Variants in PRMT3 observed in about 807,000 individuals in gnomAD.
PRMT3 encodes protein arginine methyltransferase 3.
PRMT3 carries 62 observed loss-of-function variants against 71.9 expected under a neutral mutation model. The ratio of observed to expected loss-of-function variants is 0.86; its 90% CI spans 0.70 to 1.07. PRMT3 has a LOEUF of 1.07. Ranked by LOEUF, PRMT3 falls within the 50% of genes least tolerant of loss-of-function variation. The pLI is 0.00. For synonymous variants in PRMT3, 213 were observed against 220.4 expected (o/e 0.97, Z 0.30); for missense variants, 663 against 643.0 (o/e 1.03, Z -0.34).
chr11:20,507,605 C>T (rs531014803), intron 15 of PRMT3, among the ~76,000 whole-genome samples: 19 of 151,888 alleles, frequency 1.3e-4, no homozygotes, highest in African/African-American at 4.3e-4. Context: ...AATGGCAAAA[C>T]CTTGTCTCTA....
chr11:20,461,244 C>A (rs1259017709), intron 11 of PRMT3, among the ~76,000 whole-genome samples: 1 of 152,200 alleles, frequency 6.6e-6, no homozygotes, highest in Non-Finnish European at 1.5e-5. Flanking sequence ...TCCCTCCCCA[C>A]TCCCAACTTA....
intron 10 of PRMT3, among the ~76,000 whole-genome samples, chr11:20,439,140 G>C (rs547581355): frequency 6.6e-6 from 1 of 152,332 alleles, no homozygotes; most frequent in African/African-American, 2.4e-5. Context: ...CTGGGGGCAG[G>C]ACAGAGTGTC....
chr11:20,477,243 T>G (rs1850812753), intron 13 of PRMT3, among the ~76,000 whole-genome samples: 1 of 152,194 alleles, frequency 6.6e-6, no homozygotes, highest in African/African-American at 2.4e-5. Context: ...GGATTTGGCA[T>G]GAGTTGAGAA....
chr11:20,396,638 G>A (rs1171124872), intron 6 of PRMT3, among the ~76,000 whole-genome samples: 1 of 151,068 alleles, frequency 6.6e-6, no homozygotes, highest in East Asian at 1.9e-4. Flanking sequence ...ACTTTGTCGG[G>A]GTGGGGTCGG....
At chr11:20,435,385 A>C (rs1166929687) in intron 10 of PRMT3, among the ~76,000 whole-genome samples, 1 of 152,076 alleles carries the variant, frequency 6.6e-6, no homozygotes, top group Non-Finnish European at 1.5e-5. Flanking sequence ...TGTTTTCAGT[A>C]GAGATGGGGT....
chr11:20,477,958 C>T (rs1850836587), intron 13 of PRMT3, among the ~76,000 whole-genome samples: 1 of 152,136 alleles, frequency 6.6e-6, no homozygotes, highest in Non-Finnish European at 1.5e-5. Context: ...GTGCACTGGG[C>T]CTGGCTAGTG....
rs185411543 is a variant in PRMT3 at position 20,392,552 on chromosome 11, G to A, written c.297+292G>A. ...CTGATGGACAGGATCTGTAAAATCA[G>A]AAATAATTTCTAATGTGATTTTAAG... On this transcript the variant is annotated intron_variant, in intron 4 of 15. Transcript: ENST00000331079. Among the ~76,000 whole-genome samples, 441 of 151,564 alleles carry A rather than the reference G, an allele frequency of 2.9e-3. 1 individual carries two copies. The highest frequency in any genetic ancestry group is 5.3e-3 in the Admixed American group (81 of 15,246).
At chr11:20,410,536 A>G (rs973672122) in intron 9 of PRMT3, among the ~76,000 whole-genome samples, 3 of 152,106 alleles carry the variant, frequency 2.0e-5, no homozygotes, top group Admixed American at 6.5e-5. Flanking sequence ...TAATACCAGT[A>G]TTAAAAACCT....
chr11:20,405,153 A>T (rs887649782), intron 8 of PRMT3, among the ~76,000 whole-genome samples: 2 of 151,902 alleles, frequency 1.3e-5, no homozygotes, highest in African/African-American at 4.8e-5. Flanking sequence ...CAATTCACAA[A>T]GCTCCTGTGG....
At chr11:20,489,795 A>C (rs1450259598) in intron 13 of PRMT3, among the ~76,000 whole-genome samples, 3 of 150,782 alleles carry the variant, frequency 2.0e-5, no homozygotes, top group African/African-American at 7.3e-5. Context: ...ATCTCTTTTA[A>C]TTAAGAGTTA....
At position 20,392,902 on chromosome 11, in the gene PRMT3, T is replaced by C; in HGVS notation, c.303T>C (p.Pro101=). ...KLINFIRLKN[P]TVEYMNSIYN... is the part of the protein sequence containing the mutation. ...GAGATTAATTTTATATCCAGAATCC[T>C]ACAGTTGAGTACATGAATTCCATAT... Residue 101 remains proline (P), a synonymous_variant, in exon 5 of 16, where the codon CCT becomes CCC. Transcript: ENST00000331079. 1 of 1,574,060 alleles carries C rather than the reference T, an allele frequency of 6.4e-7. No individual in the cohort carries two copies. The highest frequency in any genetic ancestry group is 1.1e-5 in the South Asian group (1 of 89,048).
intron 9 of PRMT3, among the ~76,000 whole-genome samples, chr11:20,409,112 A>T (rs1306537912): frequency 2.0e-5 from 3 of 152,192 alleles, no homozygotes; most frequent in Non-Finnish European, 4.4e-5. Flanking sequence ...AAAATTTTTT[A>T]AATTTGATTA....
intron 15 of PRMT3, among the ~76,000 whole-genome samples, chr11:20,495,662 A>G (rs1248987454): frequency 6.6e-6 from 1 of 152,216 alleles, no homozygotes; most frequent in African/African-American, 2.4e-5. Context: ...GTTCACTTAC[A>G]TTAGCACCTA....
At chr11:20,414,547 T>A (rs1209305598) in intron 9 of PRMT3, among the ~76,000 whole-genome samples, 1 of 152,184 alleles carries the variant, frequency 6.6e-6, no homozygotes, top group South Asian at 2.1e-4. Flanking sequence ...GCCAGACAGT[T>A]GTATACTGTG....
In PRMT3 at chr11:20,390,149, CAAA is replaced by C. The variant is rs10634828; in HGVS notation, c.247+335_247+337del. ...CTGGGCAACAGAGTGAGACTCTTCT[CAAA>C]AAAAAAAAAAATCTGTGAAATATAA... On this transcript the variant is annotated intron_variant, in intron 3 of 15. Transcript: ENST00000331079. 2.1e-5 allele frequency among the ~76,000 whole-genome samples: 3 copies of C among 145,788 alleles called. No homozygotes were observed. The South Asian group carries it at 6.5e-4, about 32-fold the overall frequency.
At chr11:20,389,644 C>A in intron 2 of PRMT3, 100 bp from the exon 3 acceptor site, 1 of 655,424 alleles carries the variant, frequency 1.5e-6, no homozygotes. Context: ...AACTAGAAAC[C>A]AGCAGAGTTA....
At chr11:20,389,988 C>T (rs1168186950) in intron 3 of PRMT3, among the ~76,000 whole-genome samples, 162 bp downstream of exon 3, 2 of 152,078 alleles carry the variant, frequency 1.3e-5, no homozygotes, top group Non-Finnish European at 2.9e-5. Context: ...CCCACCTGTA[C>T]TAAAATACAA....
chr11:20,475,085 A>T (rs1180545600), intron 13 of PRMT3, among the ~76,000 whole-genome samples: 1 of 152,250 alleles, frequency 6.6e-6, no homozygotes, highest in Non-Finnish European at 1.5e-5. Flanking sequence ...TACTACAAGT[A>T]TCTTGGTTAA....
chr11:20,456,776 A>C (rs563944921), intron 11 of PRMT3, among the ~76,000 whole-genome samples: 82 of 152,320 alleles, frequency 5.4e-4, no homozygotes, highest in Non-Finnish European at 8.1e-4. Context: ...TGAATTTATC[A>C]ATTTGGAATT....
Sources: gnomAD v4.1 joint callset for allele counts (sites outside exome capture counted in the v4.1 genomes callset) on GRCh38, gnomAD v4.1.1 for gene constraint, MANE v1.5 for transcripts, NCBI Gene and HGNC (gene_info 2026-07-23, HGNC 2026-07-21) for gene names.